LSM14A: variants seen among roughly 807,000 people sequenced by gnomAD.
LSM14A encodes the protein LSM14A mRNA processing body assembly factor.
Under a neutral mutation model 52.4 loss-of-function variants are expected in LSM14A, and 14 were observed. The ratio of observed to expected loss-of-function variants is 0.27; its 90% CI spans 0.18 to 0.42. The LOEUF (loss-of-function observed/expected upper bound fraction) is 0.42, where lower values mean the gene tolerates loss of function less well. Ranked by LOEUF, LSM14A falls within the 10% of genes least tolerant of loss-of-function variation. The pLI is 1.00. For missense variants in LSM14A, 417 were observed against 581.8 expected (o/e 0.72, Z 2.91); for synonymous variants, 185 against 200.3 (o/e 0.92, Z 0.64).
At chr19:34,181,429 T>C (rs565862730) in intron 1 of LSM14A, among the ~76,000 whole-genome samples, 2 of 152,370 alleles carry the variant, frequency 1.3e-5, no homozygotes, top group East Asian at 3.8e-4. Flanking sequence ...ACTAAGGTTT[T>C]TATTCCTACA....
chr19:34,209,377 C>G (rs1382787809), intron 4 of LSM14A, among the ~76,000 whole-genome samples: 1 of 152,084 alleles, frequency 6.6e-6, no homozygotes, highest in Admixed American at 6.6e-5. Flanking sequence ...GTTGAGCTAT[C>G]CAAGATGAAT....
chr19:34,178,985 TTGTGTTTGCACCTACGTC>T (rs1220512577), intron 1 of LSM14A, among the ~76,000 whole-genome samples: 2 of 152,206 alleles, frequency 1.3e-5, no homozygotes, highest in Admixed American at 6.5e-5. Flanking sequence ...ATAGTTCCAG[TTGTGTTTGCACCTACGTC>T]TATAAGTGAG....
At chr19:34,182,510 C>CT (rs1032165863) in intron 1 of LSM14A, among the ~76,000 whole-genome samples, 1 of 151,794 alleles carries the variant, frequency 6.6e-6, no homozygotes, top group African/African-American at 2.4e-5. Flanking sequence ...GATTTTTCCT[C>CT]TGAGTGTTTC....
chr19:34,207,477 A>G lies in LSM14A; in HGVS notation c.416-1452A>G, dbSNP rs140249469. On this transcript the variant is annotated intron_variant, in intron 3 of 9. Transcript: ENST00000544216. ...GCAGCCAGACTGGACTGCACCTCCAAGGGAGTCCCAGTGGCTCCCCTTGTC... is the reference window on the plus strand; with the variant it reads ...GCAGCCAGACTGGACTGCACCTCCAGGGGAGTCCCAGTGGCTCCCCTTGTC... Among the ~76,000 whole-genome samples, 270 of 151,886 alleles carry G rather than the reference A, an allele frequency of 1.8e-3. 8 individuals are homozygous for G. The East Asian group carries it at 0.046, about 26-fold the overall frequency.
Position 34,180,242 on chromosome 19 carries a change from A to G in LSM14A, c.121+7479A>G, listed in dbSNP as rs562272807. Among the ~76,000 whole-genome samples, 8 of 152,272 alleles carry G rather than the reference A, an allele frequency of 5.3e-5. No individual in the cohort carries two copies. The East Asian group carries it at 1.4e-3, about 26-fold the overall frequency. On this transcript the variant is annotated intron_variant, in intron 1 of 9. Coordinates refer to ENST00000544216, the MANE Select transcript of LSM14A (RefSeq NM_015578.4). ...CTTGAAGTAAGTTTTTTAGTGGACA[A>G]AGTGTGAGTTGGTCTGTAAAATAAT...
intron 5 of LSM14A, 114 bp downstream of exon 5, chr19:34,215,414 T>C (rs1293038876): frequency 1.7e-6 from 2 of 1,204,474 alleles, no homozygotes; most frequent in Admixed American, 5.4e-5. Flanking sequence ...TTAAACTGAA[T>C]ATGATAGAAT....
At chr19:34,193,330 G>A (rs1452040776) in intron 1 of LSM14A, among the ~76,000 whole-genome samples, 3 of 151,398 alleles carry the variant, frequency 2.0e-5, no homozygotes, top group Non-Finnish European at 4.4e-5. Context: ...TTTTAAAAAT[G>A]TTTATTTTTT....
chr19:34,178,143 A>G (rs2069207928), intron 1 of LSM14A, among the ~76,000 whole-genome samples: 2 of 151,366 alleles, frequency 1.3e-5, no homozygotes, highest in Admixed American at 1.3e-4. Context: ...CCTGGGCAAC[A>G]GAGCGAGACT....
chr19:34,183,570 A>G (rs1035410036), intron 1 of LSM14A, among the ~76,000 whole-genome samples: 1 of 152,126 alleles, frequency 6.6e-6, no homozygotes, highest in Non-Finnish European at 1.5e-5. Flanking sequence ...AAATAAATAA[A>G]TAAACCCATA....
At chr19:34,192,354 G>A (rs1206996672) in intron 1 of LSM14A, among the ~76,000 whole-genome samples, 1 of 57,648 alleles carries the variant, frequency 1.7e-5, no homozygotes, top group Non-Finnish European at 3.3e-5. Context: ...GAGTCAGATT[G>A]TCATTCTGTC....
chr19:34,183,543 C>A (rs1169700534), intron 1 of LSM14A, among the ~76,000 whole-genome samples: 2 of 150,794 alleles, frequency 1.3e-5, no homozygotes, highest in Non-Finnish European at 2.9e-5. Flanking sequence ...AGAGCGAGTT[C>A]GTCTCAAAAA....
At chr19:34,219,968 C>A in intron 8 of LSM14A, 91 bp downstream of exon 8, 1 of 926,246 alleles carries the variant, frequency 1.1e-6, no homozygotes, top group Non-Finnish European at 1.7e-6. Context: ...TGAATACTAC[C>A]ATAATTGTTT....
intron 6 of LSM14A, among the ~76,000 whole-genome samples, chr19:34,216,079 C>G (rs1439804228): frequency 6.6e-6 from 1 of 152,064 alleles, no homozygotes; most frequent in East Asian, 1.9e-4. Context: ...TTCAATTTTT[C>G]TTTTCTATAA....
chr19:34,209,591 G>GT (rs2071983017), intron 4 of LSM14A, among the ~76,000 whole-genome samples: 1 of 152,088 alleles, frequency 6.6e-6, no homozygotes, highest in Non-Finnish European at 1.5e-5. Flanking sequence ...TTAAAGGATT[G>GT]TTTTATTTCT....
chr19:34,209,811 G>T (rs955726357), intron 4 of LSM14A, among the ~76,000 whole-genome samples: 2 of 150,168 alleles, frequency 1.3e-5, no homozygotes, highest in African/African-American at 2.4e-5. Flanking sequence ...GTGTTGGGAT[G>T]TTGGGATTAC....
chr19:34,221,630 C>G lies in LSM14A; in HGVS notation c.1260C>G (p.Gly420=), dbSNP rs2073069638. Residue 420 remains glycine (G), a synonymous_variant, in exon 9 of 10, where the codon GGC becomes GGG. Transcript: ENST00000544216. ...RGRGGLGFRG[G]RGRGGGRGGT... ...GAGGAGGTCTTGGTTTCCGTGGTGG[C>G]AGAGGGCGTGGTGGTGGCAGAGGTG... The G allele has an allele frequency of 1.2e-6, 2 of 1,614,026 alleles. No homozygotes were observed. Among genetic ancestry groups the G allele is most frequent in the African/African-American group, 1.3e-5 (1 of 74,974 alleles).
intron 9 of LSM14A, among the ~76,000 whole-genome samples, chr19:34,225,248 T>A (rs2073280275): frequency 7.5e-6 from 1 of 132,930 alleles, no homozygotes; most frequent in African/African-American, 2.9e-5. Context: ...GTAGCTAGCC[T>A]TTGATTGTTC....
At chr19:34,179,073 T>C (rs1276881642) in intron 1 of LSM14A, among the ~76,000 whole-genome samples, 1 of 152,244 alleles carries the variant, frequency 6.6e-6, no homozygotes, top group Non-Finnish European at 1.5e-5. Context: ...TTCTTACATT[T>C]AGTTAGCTTA....
At chr19:34,207,757 C>G (rs1468197100) in intron 3 of LSM14A, among the ~76,000 whole-genome samples, 1 of 152,142 alleles carries the variant, frequency 6.6e-6, no homozygotes, top group Non-Finnish European at 1.5e-5. Context: ...TCTTGAACTC[C>G]TGATCTCGTG....
Sources: gnomAD v4.1 joint callset for allele counts (sites outside exome capture counted in the v4.1 genomes callset) on GRCh38, gnomAD v4.1.1 for gene constraint, MANE v1.5 for transcripts, NCBI Gene and HGNC (gene_info 2026-07-23, HGNC 2026-07-21) for gene names.